The following NBAS variants were observed in gnomAD, a reference collection of about 807,000 sequenced individuals.
NBAS encodes the protein NAG/BC035112 fusion.
A neutral mutation model predicts 302.5 loss-of-function variants in NBAS; 219 were observed. That is an observed-to-expected ratio of 0.72 (90% CI 0.65 to 0.81). The LOEUF is 0.81. Among genes scored for constraint, NBAS ranks in the 30% least tolerant of loss-of-function variants. The pLI is 0.00. For missense variants in NBAS, 2,932 were observed against 2,841.6 expected, an observed-to-expected ratio of 1.03 and a Z score of -0.72; for synonymous variants, 1,118 against 1,021.6, an observed-to-expected ratio of 1.09 and a Z score of -1.80.
At chr2:15,248,249 A>T (rs976300197) in intron 44 of NBAS, among the ~76,000 whole-genome samples, 2 of 152,224 alleles carry the variant, frequency 1.3e-5, no homozygotes, top group African/African-American at 4.8e-5. Flanking sequence ...TGTTCTTTGA[A>T]ACCAATGAGA....
chr2:14,794,738 A>G, the NBAS span, among the ~76,000 whole-genome samples: 5 of 152,282 alleles, frequency 3.3e-5, no homozygotes, highest in East Asian at 1.9e-4. Flanking sequence ...TCATGCCCCA[A>G]TGTAATCTTT....
At chr2:15,535,551 T>TAAATAAATAAATAAACAAAC (rs1553334457) in intron 8 of NBAS, among the ~76,000 whole-genome samples, 17 of 147,848 alleles carry the variant, frequency 1.1e-4, no homozygotes, top group South Asian at 4.3e-4. Flanking sequence ...AATAAATAAA[T>TAAATAAATAAATAAACAAAC]AAATAAATAA....
the NBAS span, among the ~76,000 whole-genome samples, chr2:14,884,929 T>G: frequency 2.0e-5 from 3 of 152,122 alleles, no homozygotes; most frequent in Admixed American, 1.3e-4. Context: ...ACAAAGGCAC[T>G]GAGGTAAGAG....
the NBAS span, among the ~76,000 whole-genome samples, chr2:15,007,044 A>G: frequency 3.9e-5 from 6 of 152,210 alleles, no homozygotes; most frequent in African/African-American, 1.4e-4. Flanking sequence ...TAAGTCAGGA[A>G]TTCTTAACCA....
chr2:15,005,812 T>C, the NBAS span, among the ~76,000 whole-genome samples: 1 of 152,236 alleles, frequency 6.6e-6, no homozygotes, highest in Non-Finnish European at 1.5e-5. Flanking sequence ...GGCAGTGTGA[T>C]AGCTTGAACC....
At chr2:15,177,508 G>C (rs1180470318) in intron 51 of NBAS, among the ~76,000 whole-genome samples, 2 of 152,126 alleles carry the variant, frequency 1.3e-5, no homozygotes, top group South Asian at 2.1e-4. Flanking sequence ...ATCCAGGACT[G>C]TATCAAGAGA....
chr2:15,168,920 G>A (rs1301889307), intron 51 of NBAS, among the ~76,000 whole-genome samples: 1 of 152,208 alleles, frequency 6.6e-6, no homozygotes, highest in Non-Finnish European at 1.5e-5. Context: ...TGGCCACCGT[G>A]CCCGGCCTGT....
the NBAS span, among the ~76,000 whole-genome samples, chr2:15,090,413 G>A: frequency 6.6e-6 from 1 of 152,200 alleles, no homozygotes; most frequent in Non-Finnish European, 1.5e-5. Context: ...TTCATATTCT[G>A]GTATCTGTAT....
chr2:15,176,277 A>C (rs973268054), intron 51 of NBAS, among the ~76,000 whole-genome samples: 2 of 152,206 alleles, frequency 1.3e-5, no homozygotes, highest in African/African-American at 4.8e-5. Flanking sequence ...TATTTTATTT[A>C]TGTAGCATTT....
rs536065707 is a variant in NBAS, at chr2:15,190,240, C to T, written c.6572+24G>A. The T allele has an allele frequency of 5.5e-5, 88 of 1,612,892 alleles. No homozygotes were observed. In the Middle Eastern group the frequency reaches 6.6e-4, roughly 12 times the overall value. ...AGTCCAAACAAAAGAACTCTAATTA[C>T]GCTAATTTTATGTTAATACTTACAC... On this transcript the variant is annotated intron_variant, in intron 49 of 51. Transcript: ENST00000281513.
the NBAS span, among the ~76,000 whole-genome samples, chr2:15,048,468 G>A: frequency 2.6e-5 from 4 of 152,218 alleles, no homozygotes; most frequent in Non-Finnish European, 4.4e-5. Context: ...CCTTGTTTCC[G>A]GTCCCAGGAA....
chr2:14,965,863 ATATGT>A, the NBAS span, among the ~76,000 whole-genome samples: 1 of 152,178 alleles, frequency 6.6e-6, no homozygotes, highest in Non-Finnish European at 1.5e-5. Context: ...TCTCAGAAAG[ATATGT>A]TAAGTTGTAA....
At chr2:14,861,391 C>T in the NBAS span, among the ~76,000 whole-genome samples, 1 of 152,174 alleles carries the variant, frequency 6.6e-6, no homozygotes, top group Non-Finnish European at 1.5e-5. Context: ...TGCATGTGCA[C>T]CAGCAGTCTG....
chr2:15,467,691 TC>T lies in NBAS; in HGVS notation c.1990del (p.Glu664AsnfsTer3). On this transcript the variant is annotated frameshift_variant, in exon 18 of 52. Transcript: ENST00000281513. LOFTEE classifies it high-confidence loss of function. ...GGAAAAGTTCACTAATTTCAGTAGT[TC>T]TTGTCTCTTCTTGAGCTCCTTTTCC... Reference protein sequence around the residue: ...KKEKELKKRQELLKLVNFSKL... With the variant: ...KKEKELKKRQXLLKLVNFSKL... 2 of 1,612,806 alleles carry T rather than the reference TC, an allele frequency of 1.2e-6. No individual in the cohort carries two copies. Among genetic ancestry groups the T allele is most frequent in the Non-Finnish European group, 1.7e-6 (2 of 1,179,146 alleles).
At chr2:15,054,284 T>C in the NBAS span, among the ~76,000 whole-genome samples, 6 of 152,174 alleles carry the variant, frequency 3.9e-5, no homozygotes, top group Non-Finnish European at 8.8e-5. Flanking sequence ...AATCAGCTAG[T>C]AATACAAAGT....
chr2:14,838,582 T>C, the NBAS span, among the ~76,000 whole-genome samples: 3 of 152,108 alleles, frequency 2.0e-5, no homozygotes, highest in Non-Finnish European at 2.9e-5. Flanking sequence ...ACTAATTTTT[T>C]ATTTACATTG....
At chr2:15,139,210 G>A in the NBAS span, among the ~76,000 whole-genome samples, 2 of 152,060 alleles carry the variant, frequency 1.3e-5, no homozygotes, top group Non-Finnish European at 2.9e-5. Context: ...CACTAACACA[G>A]GCCATTATCA....
At chr2:15,247,680 C>A (rs7560396) in intron 44 of NBAS, among the ~76,000 whole-genome samples, 47,968 of 149,198 alleles carry the variant, frequency 0.32, 7,934 homozygotes, top group East Asian at 0.47. Context: ...CTCTCTCTCT[C>A]TATATATATA....
At position 15,474,054 on chromosome 2, in the gene NBAS, G is replaced by A. The variant is rs1202075880; in HGVS notation, c.1599+13C>T. On this transcript the variant is annotated intron_variant, in intron 15 of 51. Transcript: ENST00000281513. ...TGACTTCAAACTTGGGTAGTAATAT[G>A]CTACTCTCTCACCTTCCTCTGATAA... 1.2e-6 allele frequency: 2 copies of A among 1,614,086 alleles called. No homozygotes were observed. Among genetic ancestry groups the A allele is most frequent in the South Asian group, 1.1e-5 (1 of 91,084 alleles).
Sources: gnomAD v4.1 joint callset for allele counts (sites outside exome capture counted in the v4.1 genomes callset) on GRCh38, gnomAD v4.1.1 for gene constraint, MANE v1.5 for transcripts, NCBI Gene and HGNC (gene_info 2026-07-23, HGNC 2026-07-21) for gene names.